MMP16: variants seen among roughly 807,000 people sequenced by gnomAD.
MMP16 encodes matrix metallopeptidase 16.
In MMP16, 12 loss-of-function variants were observed where a neutral mutation model predicts 67.8. The ratio of observed to expected loss-of-function variants is 0.18; its 90% confidence interval spans 0.11 to 0.29. MMP16 has a LOEUF of 0.29. Ranked by LOEUF, MMP16 falls within the 10% of genes least tolerant of loss-of-function variation. MMP16 has a pLI of 1.00. For synonymous variants in MMP16, 249 were observed against 255.9 expected, an observed-to-expected ratio of 0.97 and a Z score of 0.26; for missense variants, 475 against 765.7, an observed-to-expected ratio of 0.62 and a Z score of 4.48.
At position 88,216,281 on chromosome 8, in the gene MMP16, A is replaced by G. The variant is rs1238581246; in HGVS notation, c.133-18975T>C. Among the ~76,000 whole-genome samples the G allele has an allele frequency of 3.3e-5, 5 of 152,344 alleles. No individual in the cohort carries two copies. The East Asian group carries it at 5.8e-4, about 18-fold the overall frequency. On this transcript the variant is annotated intron_variant, in intron 1 of 9. Coordinates refer to ENST00000286614, the MANE Select transcript of MMP16 (RefSeq NM_005941.5). ...GTTTTTTAAAAAAATTAAAATAGTC[A>G]TAAACTTGTAAAAATTGGTTAAATA...
intron 9 of MMP16, among the ~76,000 whole-genome samples, chr8:88,044,142 C>T (rs1001238700): frequency 6.6e-6 from 1 of 152,180 alleles, no homozygotes; most frequent in Non-Finnish European, 1.5e-5. Context: ...ACTGAATACA[C>T]TTGTTACAAA....
In MMP16 at chr8:88,163,105, C is replaced by T. The variant is rs187863067; in HGVS notation, c.709+4564G>A. Among the ~76,000 whole-genome samples, 11 of 152,108 alleles carry T rather than the reference C, an allele frequency of 7.2e-5. No individual in the cohort carries two copies. The South Asian group carries it at 8.3e-4, about 11-fold the overall frequency. ...CAAACCTTAGGCACACCTGTGCAGA[C>T]GTAAACCTGCTGAAGGCTTAGGTTT... On this transcript the variant is annotated intron_variant, in intron 4 of 9. Transcript: ENST00000286614.
chr8:88,282,273 C>T (rs1347860181), intron 1 of MMP16, among the ~76,000 whole-genome samples: 2 of 152,084 alleles, frequency 1.3e-5, no homozygotes, highest in Admixed American at 6.6e-5. Context: ...TGGGGTTTCA[C>T]CATGTTGGTC....
At chr8:88,084,957 A>T (rs1265245001) in intron 6 of MMP16, among the ~76,000 whole-genome samples, 1 of 151,984 alleles carries the variant, frequency 6.6e-6, no homozygotes, top group African/African-American at 2.4e-5. Flanking sequence ...TTTGTTCATT[A>T]AAAAAGAAAC....
Position 88,274,065 on chromosome 8 carries a change from T to C in MMP16, c.132+53010A>G, listed in dbSNP as rs543400056. ...GGGAAGAGAAGAAGGTATAAAATAA[T>C]CATTTTGGATACTAAGAAAGCAAAC... On this transcript the variant is annotated intron_variant, in intron 1 of 9. Transcript: ENST00000286614. 2.0e-5 allele frequency among the ~76,000 whole-genome samples: 3 copies of C among 152,224 alleles called. No homozygotes were observed. The South Asian group carries it at 6.2e-4, about 32-fold the overall frequency.
At chr8:88,316,822 C>T (rs764655765) in intron 1 of MMP16, among the ~76,000 whole-genome samples, 17 of 152,104 alleles carry the variant, frequency 1.1e-4, no homozygotes, top group Non-Finnish European at 1.6e-4. Flanking sequence ...AACTTTAAAA[C>T]CTTCTGTAAA....
At chr8:88,158,003 A>T (rs1236267747) in intron 4 of MMP16, among the ~76,000 whole-genome samples, 2 of 152,138 alleles carry the variant, frequency 1.3e-5, no homozygotes, top group African/African-American at 4.8e-5. Flanking sequence ...ACATGAACTC[A>T]TCATTTTTTA....
chr8:88,286,496 A>G (rs59544142), intron 1 of MMP16, among the ~76,000 whole-genome samples: 1 of 152,016 alleles, frequency 6.6e-6, no homozygotes, highest in Admixed American at 6.6e-5. Flanking sequence ...ACTCCTAATA[A>G]AAGCATTTTA....
chr8:88,149,271 G>A (rs1012064066), intron 4 of MMP16, among the ~76,000 whole-genome samples: 117 of 152,362 alleles, frequency 7.7e-4, no homozygotes, highest in East Asian at 5.6e-3. Flanking sequence ...CAAGGCGGCA[G>A]CGAGGCTGGG....
At chr8:88,304,049 A>T (rs1460848833) in intron 1 of MMP16, among the ~76,000 whole-genome samples, 1 of 152,198 alleles carries the variant, frequency 6.6e-6, no homozygotes, top group Admixed American at 6.5e-5. Context: ...AAGAATCATG[A>T]TAAAAACAAT....
intron 1 of MMP16, among the ~76,000 whole-genome samples, chr8:88,271,679 A>T (rs1009661656): frequency 6.6e-6 from 1 of 152,102 alleles, no homozygotes; most frequent in Non-Finnish European, 1.5e-5. Flanking sequence ...ATTTTAGAAA[A>T]GGTTGATTCT....
intron 2 of MMP16, among the ~76,000 whole-genome samples, chr8:88,186,863 G>T (rs74792831): frequency 0.022 from 3,373 of 152,048 alleles, 38 homozygotes; most frequent in South Asian, 0.043. Context: ...AATTTATTTT[G>T]GGCTAACTAT....
chr8:88,174,847 C>T (rs201181256), intron 3 of MMP16, among the ~76,000 whole-genome samples: 11 of 151,786 alleles, frequency 7.2e-5, no homozygotes, highest in East Asian at 5.8e-4. Context: ...CTCTGCCTTC[C>T]GGGTTCAAGC....
chr8:88,267,895 C>T (rs1026616762), intron 1 of MMP16, among the ~76,000 whole-genome samples: 5 of 152,158 alleles, frequency 3.3e-5, no homozygotes, highest in African/African-American at 9.7e-5. Flanking sequence ...CCTGTCATTA[C>T]ACAGGAGTGT....
chr8:88,070,855 C>T (rs2664348), intron 7 of MMP16, among the ~76,000 whole-genome samples: 86,401 of 151,762 alleles, frequency 0.57, 24,895 homozygotes, highest in East Asian at 0.7. Context: ...CAATTTTTTC[C>T]TTGTTTTCAG....
intron 6 of MMP16, among the ~76,000 whole-genome samples, chr8:88,092,450 T>C (rs976692946): frequency 7.2e-5 from 11 of 151,854 alleles, no homozygotes; most frequent in African/African-American, 2.7e-4. Context: ...CATTACCCTG[T>C]TTAATTTTCA....
At chr8:88,111,408 A>G (rs1809334553) in intron 6 of MMP16, among the ~76,000 whole-genome samples, 1 of 151,738 alleles carries the variant, frequency 6.6e-6, no homozygotes, top group Non-Finnish European at 1.5e-5. Flanking sequence ...AATCTGGAAA[A>G]TAAGCGAATA....
intron 1 of MMP16, among the ~76,000 whole-genome samples, chr8:88,229,871 G>A (rs568685163): frequency 6.6e-5 from 10 of 152,192 alleles, no homozygotes; most frequent in African/African-American, 2.4e-4. Flanking sequence ...TGAGACACGG[G>A]ATGGAGAAAA....
At chr8:88,173,195 T>A (rs1398004204) in intron 3 of MMP16, among the ~76,000 whole-genome samples, 3 of 151,918 alleles carry the variant, frequency 2.0e-5, no homozygotes, top group Non-Finnish European at 4.4e-5. Flanking sequence ...GGGACTACAG[T>A]TGTGCACCAC....
Sources: gnomAD v4.1 joint callset for allele counts (sites outside exome capture counted in the v4.1 genomes callset) on GRCh38, gnomAD v4.1.1 for gene constraint, MANE v1.5 for transcripts, NCBI Gene and HGNC (gene_info 2026-07-23, HGNC 2026-07-21) for gene names.